The following BICRAL variants were observed in gnomAD, a reference collection of about 807,000 sequenced individuals.
The protein encoded by BICRAL is BICRA like chromatin remodeling complex associated protein.
A neutral mutation model predicts 91.8 loss-of-function variants in BICRAL; 8 were observed. The ratio of observed to expected loss-of-function variants is 0.09; its 90% CI spans 0.05 to 0.16. BICRAL has a LOEUF of 0.16. Ranked by LOEUF, BICRAL falls within the 10% of genes least tolerant of loss-of-function variation. The pLI is 1.00. For synonymous variants in BICRAL, 445 were observed against 491.1 expected (o/e 0.91, Z 1.24); for missense variants, 1,038 against 1,310.9 (o/e 0.79, Z 3.21).
At chr6:42,863,338 G>A (rs995850559) in intron 12 of BICRAL, among the ~76,000 whole-genome samples, 6 of 152,066 alleles carry the variant, frequency 3.9e-5, no homozygotes, top group African/African-American at 1.4e-4. Context: ...GTGAGCCACC[G>A]TGCCCAGCCA....
At chr6:42,817,148 ATGTGTGTG>A (rs35347910) in intron 2 of BICRAL, among the ~76,000 whole-genome samples, 1 of 148,304 alleles carries the variant, frequency 6.7e-6, no homozygotes, top group Non-Finnish European at 1.5e-5. Context: ...CATCATTTAT[ATGTGTGTG>A]TGTGTGTGTG....
chr6:42,778,275 C>T (rs895973925), upstream of BICRAL, among the ~76,000 whole-genome samples: 2 of 152,206 alleles, frequency 1.3e-5, no homozygotes, highest in Non-Finnish European at 2.9e-5. Context: ...GCAAAGACTG[C>T]TTGTTCCAAA....
Position 42,865,379 on chromosome 6 carries a change from A to G in BICRAL, c.3173A>G (p.His1058Arg), listed in dbSNP as rs905541709. 2.5e-6 allele frequency: 4 copies of G among 1,613,678 alleles called. No individual in the cohort carries two copies. Among genetic ancestry groups the G allele is most frequent in the South Asian group, 1.1e-5 (1 of 91,068 alleles). ...TGCCTGGAAAAGTTCATCCCGGACC[A>G]CAGTGAAGGTGTTGTAGAAACTGAC... is the stretch of plus-strand genomic sequence containing the variant. ...ENCLEKFIPD[H>R]SEGVVETDSI... The change falls in exon 13 of 13, where the codon CAC (histidine) becomes CGC (arginine). Residue 1058 changes from histidine (H) to arginine (R), a missense_variant. By Grantham distance (29) the His-to-Arg change is conservative. Transcript: ENST00000314073.
In BICRAL at chr6:42,857,193, C is replaced by T. The variant is rs544052252; in HGVS notation, c.2211C>T (p.His737=). The change falls in exon 10 of 13, where the codon CAC becomes CAT. Residue 737 remains histidine, a synonymous_variant. Coordinates refer to ENST00000314073, the MANE Select transcript of BICRAL (RefSeq NM_001393499.1). Reference sequence around the variant, plus strand: ...CGGTACAGAGACTGCTCTCCTACCACGTGTGCCAGGGCTCCATGCCCACTG... The same window carrying T: ...CGGTACAGAGACTGCTCTCCTACCATGTGTGCCAGGGCTCCATGCCCACTG... ...SDAVQRLLSY[H]VCQGSMPTEE... The T allele has an allele frequency of 1.8e-5, 29 of 1,613,816 alleles. No homozygotes were observed. The highest frequency in any genetic ancestry group is 1.8e-4 in the East Asian group (8 of 44,882).
intron 1 of BICRAL, among the ~76,000 whole-genome samples, chr6:42,776,934 C>A (rs1472386987): frequency 6.6e-6 from 1 of 152,174 alleles, no homozygotes; most frequent in East Asian, 1.9e-4. Flanking sequence ...CAGAGATATG[C>A]TAATTTCTTG....
intron 6 of BICRAL, among the ~76,000 whole-genome samples, chr6:42,836,199 G>A (rs1764633623): frequency 1.3e-5 from 2 of 152,110 alleles, no homozygotes; most frequent in East Asian, 3.8e-4. Flanking sequence ...TGTATGTATT[G>A]ATCAGCTTTA....
At chr6:42,850,048 A>AAAAT (rs71547818) in intron 6 of BICRAL, among the ~76,000 whole-genome samples, 13,032 of 151,444 alleles carry the variant, frequency 0.086, 1,039 homozygotes, top group African/African-American at 0.21. Context: ...ATAAATAAAT[A>AAAAT]AAATAAATAA....
At chr6:42,762,407 AT>A (rs1019455532) in intron 1 of BICRAL, among the ~76,000 whole-genome samples, 1 of 152,140 alleles carries the variant, frequency 6.6e-6, no homozygotes, top group South Asian at 2.1e-4. Flanking sequence ...TTTTTAAAGC[AT>A]TTTTTTTATG....
intron 1 of BICRAL, among the ~76,000 whole-genome samples, chr6:42,751,717 G>A (rs1462639974): frequency 6.7e-6 from 1 of 149,620 alleles, no homozygotes; most frequent in Non-Finnish European, 1.5e-5. Context: ...GAGTGCAGTG[G>A]CATGATCTTG....
chr6:42,762,058 G>C (rs1385224730), intron 1 of BICRAL, among the ~76,000 whole-genome samples: 1 of 152,116 alleles, frequency 6.6e-6, no homozygotes, highest in African/African-American at 2.4e-5. Context: ...CAGTCACCAC[G>C]ACCTTTTATA....
At chr6:42,807,464 T>C (rs542314071) in intron 1 of BICRAL, among the ~76,000 whole-genome samples, 2 of 152,260 alleles carry the variant, frequency 1.3e-5, no homozygotes, top group Admixed American at 1.3e-4. Context: ...ATTACAGGCA[T>C]GAGCTACCAC....
rs374819843 is a variant in BICRAL at position 42,864,871 on chromosome 6, G to A, written c.2665G>A (p.Ala889Thr). 7.5e-5 allele frequency: 121 copies of A among 1,614,038 alleles called. No homozygotes were observed. The highest frequency in any genetic ancestry group is 1.0e-4 in the Non-Finnish European group (118 of 1,180,034). The change falls in exon 13 of 13, where the codon GCA (alanine) becomes ACA (threonine). Residue 889 changes from alanine (A) to threonine (T), a missense_variant. Ala to Thr is a moderately conservative substitution (Grantham distance 58, BLOSUM62 0). Around this residue, in one of 5 missense-constraint regions of BICRAL, gnomAD observed 294 missense variants for 292.6 expected, o/e 1.00. Coordinates refer to ENST00000314073, the MANE Select transcript of BICRAL (RefSeq NM_001393499.1). ...HLVPNHIVVSAEGNISKKTEC... is the reference protein window; with the variant it reads ...HLVPNHIVVSTEGNISKKTEC... ...AGTGCCTAATCACATCGTGGTCTCT[G>A]CAGAAGGAAACATTTCTAAAAAAAC...
At chr6:42,839,363 C>G (rs1764723887) in intron 6 of BICRAL, among the ~76,000 whole-genome samples, 1 of 151,986 alleles carries the variant, frequency 6.6e-6, no homozygotes. Flanking sequence ...CAGGCTGGCT[C>G]TAACTCCTGG....
At chr6:42,842,663 C>T (rs1422428163) in intron 6 of BICRAL, among the ~76,000 whole-genome samples, 1 of 152,142 alleles carries the variant, frequency 6.6e-6, no homozygotes, top group East Asian at 1.9e-4. Flanking sequence ...TTTTTCAGTC[C>T]CTTCACTGAT....
chr6:42,759,700 C>A (rs1181554829), intron 1 of BICRAL, among the ~76,000 whole-genome samples: 1 of 152,202 alleles, frequency 6.6e-6, no homozygotes, highest in Non-Finnish European at 1.5e-5. Flanking sequence ...TATGCCTCAT[C>A]TTCTCTGCAT....
intron 2 of BICRAL, among the ~76,000 whole-genome samples, chr6:42,819,269 A>ATTTATT (rs1268083687): frequency 3.3e-5 from 5 of 152,002 alleles, no homozygotes; most frequent in Non-Finnish European, 7.4e-5. Flanking sequence ...TTCTCGTTTT[A>ATTTATT]TTTATTTTTA....
At chr6:42,771,827 T>C (rs1762741402) in intron 1 of BICRAL, among the ~76,000 whole-genome samples, 1 of 152,096 alleles carries the variant, frequency 6.6e-6, no homozygotes, top group African/African-American at 2.4e-5. Flanking sequence ...TAGACTATGC[T>C]GTGAATTGTA....
At position 42,865,216 on chromosome 6, in the gene BICRAL, A is replaced by G. The variant is rs531093050; in HGVS notation, c.3010A>G (p.Thr1004Ala). 6.2e-7 allele frequency: 1 copy of G among 1,614,152 alleles called. No homozygotes were observed. The highest frequency in any genetic ancestry group is 1.3e-5 in the African/African-American group (1 of 75,062). The change falls in exon 13 of 13, where the codon ACA (threonine) becomes GCA (alanine). Residue 1004 changes from threonine (T) to alanine (A), a missense_variant. Coordinates refer to ENST00000314073, the MANE Select transcript of BICRAL (RefSeq NM_001393499.1). ...CGAACCCCAGCCAGATCTCCAGCTGACAAAGAGCTTGGAAACCACATTTAA... is the reference window on the plus strand; with the variant it reads ...CGAACCCCAGCCAGATCTCCAGCTGGCAAAGAGCTTGGAAACCACATTTAA... ...SGEPQPDLQL[T>A]KSLETTFKNI...
chr6:42,861,847 A>C (rs973219056), intron 11 of BICRAL, among the ~76,000 whole-genome samples: 5 of 151,390 alleles, frequency 3.3e-5, no homozygotes, highest in African/African-American at 7.3e-5. Context: ...AAAAATAAAA[A>C]AATTGTCTGG....
Sources: gnomAD v4.1 joint callset for allele counts (sites outside exome capture counted in the v4.1 genomes callset) on GRCh38, gnomAD v4.1.1 for gene constraint, gnomAD v4.1.1 regional missense constraint, MANE v1.5 for transcripts, NCBI Gene and HGNC (gene_info 2026-07-23, HGNC 2026-07-21) for gene names.